The following USP16 variants were observed in gnomAD, a reference collection of about 807,000 sequenced individuals.
USP16 encodes ubiquitin carboxyl-terminal hydrolase 16.
A neutral mutation model predicts 95.9 loss-of-function variants in USP16; 77 were observed. The observed-to-expected ratio is 0.80, with a 90% CI of 0.67 to 0.97. The LOEUF (loss-of-function observed/expected upper bound fraction) is 0.97. Ranked by LOEUF, USP16 falls within the 50% of genes least tolerant of loss-of-function variation. The pLI, the probability that USP16 is intolerant of heterozygous loss-of-function variation, is 0.00. For synonymous variants in USP16, 303 were observed against 318.2 expected (o/e 0.95, Z 0.51); for missense variants, 943 against 959.9 (o/e 0.98, Z 0.23).
chr21:29,026,413 GC>G (rs2084987905), intron 1 of USP16, among the ~76,000 whole-genome samples: 1 of 148,726 alleles, frequency 6.7e-6, no homozygotes, highest in South Asian at 2.1e-4. Flanking sequence ...CCGAGATCGG[GC>G]CACTGCACTC....
chr21:29,031,555 C>T (rs9305387), intron 3 of USP16, among the ~76,000 whole-genome samples: 7,845 of 152,196 alleles, frequency 0.052, 457 homozygotes, highest in East Asian at 0.16. Flanking sequence ...TTTCCTGCCT[C>T]AGTCTCCAAG....
At chr21:29,032,227 G>A (rs1031658725) in intron 3 of USP16, among the ~76,000 whole-genome samples, 8 of 152,000 alleles carry the variant, frequency 5.3e-5, no homozygotes, top group Non-Finnish European at 1.0e-4. Context: ...TTTGGGGATT[G>A]GCTTTTGCTT....
intron 1 of USP16, chr21:29,025,823 C>T: frequency 1.5e-6 from 1 of 668,494 alleles, no homozygotes; most frequent in Non-Finnish European, 1.9e-6. Context: ...TCAGGACCTG[C>T]TATGTACTAA....
intron 4 of USP16, 71 bp from the exon 5 acceptor site, chr21:29,036,200 G>T: frequency 7.7e-7 from 1 of 1,296,262 alleles, no homozygotes; most frequent in African/African-American, 1.5e-5. Context: ...TTTGATTCCA[G>T]GAATTATTAT....
chr21:29,030,658 A>G lies in USP16; in HGVS notation c.125A>G (p.Asn42Ser). The change falls in exon 3 of 18, where the codon AAT (asparagine) becomes AGT (serine). Residue 42 changes from asparagine (N) to serine (S), a missense_variant. Physicochemically the swap from Asn to Ser is conservative, Grantham distance 46. Transcript: ENST00000399976. The stretch of plus-strand genomic sequence containing the variant: ...GGTAATTTGAAAAAGGCTTTAGTGA[A>G]TGTGGAATGGAATATCTGCCAAGAC... ...EQGNLKKALV[N>S]VEWNICQDCK... 5.0e-6 allele frequency: 8 copies of G among 1,613,994 alleles called. No homozygotes were observed. The highest frequency in any genetic ancestry group is 6.8e-6 in the Non-Finnish European group (8 of 1,179,960).
At chr21:29,031,153 T>A (rs141732454) in intron 3 of USP16, among the ~76,000 whole-genome samples, 1 of 152,284 alleles carries the variant, frequency 6.6e-6, no homozygotes, top group East Asian at 1.9e-4. Context: ...AGCTCCCTTT[T>A]GTTGAGACTG....
chr21:29,052,798 A>C (rs1247268455), intron 16 of USP16: 1 of 152,246 alleles, frequency 6.6e-6, no homozygotes, highest in Admixed American at 6.5e-5. Flanking sequence ...AGACCAGCCC[A>C]GGCAACATGC....
chr21:29,049,266 A>C (rs2085377787), intron 15 of USP16, among the ~76,000 whole-genome samples: 1 of 152,222 alleles, frequency 6.6e-6, no homozygotes, highest in African/African-American at 2.4e-5. Context: ...TGGTGACCTC[A>C]TCTTTTCTGG....
Position 29,043,743 on chromosome 21 carries a change from G to A in USP16, c.1356+144G>A, listed in dbSNP as rs902453631. The A allele has an allele frequency of 7.5e-6, 6 of 802,668 alleles. No homozygotes were observed. In the African/African-American group the frequency reaches 1.1e-4, roughly 14 times the overall value. The allele number at this position is 802,668 out of a possible 1,614,324, so 49.7% of individuals were successfully genotyped here. A position where few individuals can be genotyped will look rare whatever the true frequency, so the allele number is the denominator to read the frequency against. On this transcript the variant is annotated intron_variant, in intron 13 of 17. Transcript: ENST00000399976. The stretch of plus-strand genomic sequence containing the variant: ...ACAATTACAGAATTTAGCTCATTTA[G>A]TATTCTCTGCAGGGAAATTGCTTTG...
intron 14 of USP16, 120 bp downstream of exon 14, chr21:29,047,441 T>C: frequency 8.8e-7 from 1 of 1,139,760 alleles, no homozygotes; most frequent in Non-Finnish European, 1.2e-6. Flanking sequence ...TCCTTTTCTG[T>C]GTAAATATTT....
rs111604659 is a variant in USP16, at chr21:29,042,697, A to G, written c.1179+169A>G. 2.6e-3 allele frequency: 1,412 copies of G among 537,180 alleles called. 14 individuals are homozygous for G. Among genetic ancestry groups the G allele is most frequent in the African/African-American group, 0.025 (1,253 of 49,840 alleles). The allele number at this position is 537,180 out of a possible 1,614,324, so 33.3% of individuals were successfully genotyped here. A position where few individuals can be genotyped will look rare whatever the true frequency, so the allele number is the denominator to read the frequency against. ...GATTTGAATAAAGAACAGGGTAACT[A>G]CTTTAAAAACAAGGATGGAAAAAAA... On this transcript the variant is annotated intron_variant, in intron 12 of 17. Coordinates refer to ENST00000399976, the MANE Select transcript of USP16 (RefSeq NM_006447.3).
chr21:29,046,679 C>T lies in USP16; in HGVS notation c.1369C>T (p.Gln457Ter). 5.0e-6 allele frequency: 8 copies of T among 1,603,598 alleles called. No homozygotes were observed. The highest frequency in any genetic ancestry group is 6.8e-6 in the Non-Finnish European group (8 of 1,175,902). Residue 457 changes from glutamine (Q) to a stop codon, truncating the protein, a stop_gained, in exon 14 of 18, where the codon CAA becomes TAA. Transcript: ENST00000399976. LOFTEE classifies it high-confidence loss of function. ...ACTTTTTACCCAGAACCAACGAAGA[C>T]AACAAAAAATTCAAGGAAAAGTTCT... ...AKKQAKNQRR[Q>*]QKIQGKVLHL...
chr21:29,038,127 C>A (rs896881187), intron 6 of USP16, among the ~76,000 whole-genome samples: 4 of 152,058 alleles, frequency 2.6e-5, no homozygotes, highest in Non-Finnish European at 5.9e-5. Context: ...GGAGAATGCC[C>A]CACTGAGGTG....
In USP16 at chr21:29,048,785, A is replaced by G. The variant is rs778895060; in HGVS notation, c.2036A>G (p.Asn679Ser). The G allele has an allele frequency of 6.2e-7, 1 of 1,613,858 alleles. No homozygotes were observed. Among genetic ancestry groups the G allele is most frequent in the South Asian group, 1.1e-5 (1 of 91,072 alleles). Residue 679 changes from asparagine to serine, a missense_variant, in exon 15 of 18, where the codon AAT (asparagine) becomes AGT (serine). Asn to Ser is a conservative substitution (Grantham distance 46). Coordinates refer to ENST00000399976, the MANE Select transcript of USP16 (RefSeq NM_006447.3). ...IKGERKHVYT[N>S]AKKQMLISLA... is the part of the protein sequence containing the mutation. ...GGTGAAAGGAAGCATGTTTACACCA[A>G]TGCCAAAAAGCAGATGCTAATTTCT...
At chr21:29,034,663 C>T (rs1231275111) in intron 3 of USP16, among the ~76,000 whole-genome samples, 174 bp from the exon 4 acceptor site, 3 of 152,126 alleles carry the variant, frequency 2.0e-5, no homozygotes, top group African/African-American at 4.8e-5. Flanking sequence ...TTCTCAGTTG[C>T]CTGTGCATAT....
At chr21:29,036,807 G>A (rs1285567230) in intron 5 of USP16, among the ~76,000 whole-genome samples, 3 of 152,136 alleles carry the variant, frequency 2.0e-5, no homozygotes, top group Non-Finnish European at 4.4e-5. Flanking sequence ...TACAGCATTT[G>A]CTTTAAGCAT....
At chr21:29,042,183 C>T in intron 11 of USP16, 79 bp downstream of exon 11, 1 of 1,277,294 alleles carries the variant, frequency 7.8e-7, no homozygotes, top group South Asian at 1.3e-5. Context: ...AAGCAGAAAT[C>T]TCTACCTTCA....
intron 3 of USP16, 70 bp downstream of exon 3, chr21:29,030,843 C>A: frequency 6.7e-7 from 1 of 1,503,296 alleles, no homozygotes; most frequent in Non-Finnish European, 8.9e-7. Context: ...AAGGTATTAC[C>A]TGAAAGTACA....
intron 2 of USP16, among the ~76,000 whole-genome samples, chr21:29,028,755 C>T (rs1273971383): frequency 6.6e-6 from 1 of 152,096 alleles, no homozygotes; most frequent in African/African-American, 2.4e-5. Flanking sequence ...TTTTTAATGG[C>T]ATATTATTGC....
Sources: gnomAD v4.1 joint callset for allele counts (sites outside exome capture counted in the v4.1 genomes callset) on GRCh38, gnomAD v4.1.1 for gene constraint, MANE v1.5 for transcripts, NCBI Gene and HGNC (gene_info 2026-07-23, HGNC 2026-07-21) for gene names.